The following LMX1A variants were observed in gnomAD, a reference collection of about 807,000 sequenced individuals.
LMX1A encodes the protein LIM homeobox transcription factor 1-alpha.
Under a neutral mutation model 49.1 loss-of-function variants are expected in LMX1A, and 15 were observed. The observed-to-expected ratio is 0.31, with a 90% CI of 0.20 to 0.47. The LOEUF is 0.47. Among genes scored for constraint, LMX1A ranks in the 20% least tolerant of loss-of-function variants. The pLI, the probability that LMX1A is intolerant of heterozygous loss-of-function variation, is 1.00. For missense variants in LMX1A, 372 were observed against 475.8 expected (o/e 0.78, Z 2.03); for synonymous variants, 167 against 185.7 (o/e 0.90, Z 0.82).
At chr1:165,352,954 G>T in intron 3 of LMX1A, 122 bp downstream of exon 3, 1 of 1,045,162 alleles carries the variant, frequency 9.6e-7, no homozygotes, top group Non-Finnish European at 1.4e-6. Flanking sequence ...CTGAAGGGAA[G>T]TTCTGCTCGC....
chr1:165,318,083 T>C (rs113743391), intron 3 of LMX1A, among the ~76,000 whole-genome samples: 2 of 152,232 alleles, frequency 1.3e-5, no homozygotes, highest in African/African-American at 4.8e-5. Context: ...TCTGGCTTTT[T>C]CTCTTAGCAC....
intron 6 of LMX1A, among the ~76,000 whole-genome samples, chr1:165,208,906 C>CA (rs1557848108): frequency 6.6e-6 from 1 of 152,194 alleles, no homozygotes; most frequent in African/African-American, 2.4e-5. Context: ...CTCGGCCTCC[C>CA]AGAGGGCTGG....
In LMX1A at chr1:165,306,354, T is replaced by G. The variant is rs1482854357; in HGVS notation, c.263+46722A>C. Among the ~76,000 whole-genome samples, 4 of 152,214 alleles carry G rather than the reference T, an allele frequency of 2.6e-5. No individual in the cohort carries two copies. In the South Asian group the frequency reaches 8.3e-4, roughly 32 times the overall value. ...TTGGGCAGTGGAATGTGAGTAAATG[T>G]GAGTGTGTGGTTTGGCTTCTGTCAT... is the stretch of plus-strand genomic sequence containing the variant. On this transcript the variant is annotated intron_variant, in intron 3 of 8. Coordinates refer to ENST00000342310, the MANE Select transcript of LMX1A (RefSeq NM_177398.4).
chr1:165,231,553 G>C (rs917902769), intron 4 of LMX1A, among the ~76,000 whole-genome samples: 5 of 152,144 alleles, frequency 3.3e-5, no homozygotes, highest in Non-Finnish European at 7.4e-5. Context: ...CAAAGAGCTG[G>C]AATTGCAGAT....
intron 3 of LMX1A, among the ~76,000 whole-genome samples, chr1:165,303,582 G>A (rs946355659): frequency 2.6e-5 from 4 of 152,166 alleles, no homozygotes; most frequent in African/African-American, 9.7e-5. Context: ...ACTTGGCTTC[G>A]GCAGCCCAAT....
intron 3 of LMX1A, among the ~76,000 whole-genome samples, chr1:165,277,784 C>A (rs1423840215): frequency 6.6e-6 from 1 of 152,154 alleles, no homozygotes; most frequent in Non-Finnish European, 1.5e-5. Flanking sequence ...AGGTGGGGAT[C>A]TGATGTCATT....
Position 165,210,731 on chromosome 1 carries a change from C to G in LMX1A, c.715G>C (p.Val239Leu). 6.2e-7 allele frequency: 1 copy of G among 1,613,984 alleles called. No homozygotes were observed. The highest frequency in any genetic ancestry group is 8.5e-7 in the Non-Finnish European group (1 of 1,179,928). Residue 239 changes from valine (V) to leucine (L), a missense_variant, in exon 6 of 9, where the codon GTC (valine) becomes CTC (leucine). Val to Leu is a conservative substitution (Grantham distance 32). Around this residue, in one of 3 missense-constraint regions of LMX1A, gnomAD observed 46 missense variants for 93.8 expected, o/e 0.49. Transcript: ENST00000342310. ...CTCTGGTTTTGGAACCACACCTGGA[C>G]GACACGGACACTCAGCCCTGTCTCT... ...AAETGLSVRV[V>L]QVWFQNQRAK... is the part of the protein sequence containing the mutation.
At chr1:165,304,588 T>C (rs1406408281) in intron 3 of LMX1A, among the ~76,000 whole-genome samples, 1 of 152,150 alleles carries the variant, frequency 6.6e-6, no homozygotes, top group Non-Finnish European at 1.5e-5. Context: ...TGGTTAATGT[T>C]CTTATATAAA....
chr1:165,212,671 T>A (rs1408086299), intron 5 of LMX1A, among the ~76,000 whole-genome samples: 1 of 152,236 alleles, frequency 6.6e-6, no homozygotes, highest in Admixed American at 6.5e-5. Context: ...ACTCAGTATA[T>A]GACAGGCAGT....
chr1:165,236,727 T>C (rs1265167633), intron 4 of LMX1A, among the ~76,000 whole-genome samples: 1 of 151,246 alleles, frequency 6.6e-6, no homozygotes, highest in Non-Finnish European at 1.5e-5. Context: ...CGCCTTCTCC[T>C]GGGGCAATGG....
At chr1:165,356,017 G>T (rs1656597738) in intron 1 of LMX1A, 1 of 156,394 alleles carries the variant, frequency 6.4e-6, no homozygotes, top group Admixed American at 6.3e-5. Flanking sequence ...CCAGGCACGC[G>T]GGACGATGGG....
chr1:165,313,536 G>A (rs1234263133), intron 3 of LMX1A, among the ~76,000 whole-genome samples: 1 of 142,226 alleles, frequency 7.0e-6, no homozygotes, highest in Non-Finnish European at 1.5e-5. Flanking sequence ...TAATAGAGAA[G>A]AGTTTTTTTA....
chr1:165,250,057 A>G lies in LMX1A; in HGVS notation c.264-417T>C, dbSNP rs143625563. On this transcript the variant is annotated intron_variant, in intron 3 of 8. Transcript: ENST00000342310. ...ACACATGGACACAGGGAGGGGAACA[A>G]CACACTCTGGGGCCTGTCAGGGGGT... 7.8e-3 allele frequency among the ~76,000 whole-genome samples: 1,182 copies of G among 150,646 alleles called. 31 individuals are homozygous for G. The highest frequency in any genetic ancestry group is 0.064 in the East Asian group (318 of 5,000).
intron 4 of LMX1A, among the ~76,000 whole-genome samples, chr1:165,223,641 C>T (rs78565588): frequency 1.3e-5 from 2 of 152,168 alleles, no homozygotes; most frequent in Admixed American, 6.5e-5. Flanking sequence ...CAGCTCCTGT[C>T]CATGGTAATT....
chr1:165,331,380 T>G (rs568290501), intron 3 of LMX1A, among the ~76,000 whole-genome samples: 1 of 152,366 alleles, frequency 6.6e-6, no homozygotes, highest in Admixed American at 6.5e-5. Flanking sequence ...GTTCAATCAG[T>G]GTCATTAGTC....
chr1:165,356,527 C>T lies in LMX1A; in HGVS notation c.-195G>A, dbSNP rs868068718. 3 of 152,118 alleles carry T rather than the reference C, an allele frequency of 2.0e-5. No homozygotes were observed. The highest frequency in any genetic ancestry group is 7.2e-5 in the African/African-American group (3 of 41,442). The allele number at this position is 152,118 out of a possible 1,614,324, so 9.4% of individuals were successfully genotyped here. On this transcript the variant is annotated 5_prime_UTR_variant, in exon 1 of 9. Transcript: ENST00000342310. The stretch of plus-strand genomic sequence containing the variant: ...AACGCCGGCCGCTGGCTCTGCTCCT[C>T]GGCGCGCCCAGGCTGGGCCGGGACG...
chr1:165,217,813 T>C (rs1286063355), intron 4 of LMX1A, among the ~76,000 whole-genome samples: 2 of 152,268 alleles, frequency 1.3e-5, no homozygotes, highest in East Asian at 1.9e-4. Flanking sequence ...GGAGTGTTTC[T>C]GTTGCTTTTG....
At chr1:165,353,377 ACC>A in intron 2 of LMX1A, 115 bp from the exon 3 acceptor site, 1 of 771,490 alleles carries the variant, frequency 1.3e-6, no homozygotes, top group Non-Finnish European at 2.0e-6. Flanking sequence ...AGCGCCCCCC[ACC>A]CCAGGGAACT....
intron 3 of LMX1A, among the ~76,000 whole-genome samples, chr1:165,308,927 A>G (rs961473183): frequency 3.3e-5 from 5 of 152,120 alleles, no homozygotes; most frequent in Non-Finnish European, 7.3e-5. Context: ...ATCCTGGGTT[A>G]TTGGTCCTTC....
Sources: allele counts gnomAD v4.1 joint callset (sites outside exome capture counted in the v4.1 genomes callset), GRCh38; gene constraint gnomAD v4.1.1; regional missense constraint gnomAD v4.1.1; transcripts MANE v1.5; gene names NCBI Gene and HGNC (gene_info 2026-07-23, HGNC 2026-07-21).